Variants in ZFPM2 observed in about 807,000 individuals in gnomAD.
ZFPM2 encodes the protein zinc finger protein, FOG family member 2.
ZFPM2 carries 20 observed loss-of-function variants against 98.6 expected under a neutral mutation model. The observed-to-expected ratio is 0.20, with a 90% CI of 0.14 to 0.29. The LOEUF (loss-of-function observed/expected upper bound fraction) is 0.29. Among genes scored for constraint, ZFPM2 ranks in the 10% least tolerant of loss-of-function variants. The probability of loss-of-function intolerance (pLI) is 1.00; values close to 1 mark genes in which losing one functional copy is unlikely to be tolerated. For synonymous variants in ZFPM2, 518 were observed against 502.7 expected (o/e 1.03, Z -0.41); for missense variants, 1,310 against 1,388.6 (o/e 0.94, Z 0.90).
intron 4 of ZFPM2, among the ~76,000 whole-genome samples, chr8:105,562,287 G>A (rs1815155717): frequency 6.6e-6 from 1 of 151,840 alleles, no homozygotes; most frequent in Admixed American, 6.6e-5. Flanking sequence ...TCCAGCCTGG[G>A]TGACAGAGCA....
chr8:105,382,285 A>T (rs553561328), intron 1 of ZFPM2, among the ~76,000 whole-genome samples: 34 of 151,154 alleles, frequency 2.2e-4, no homozygotes, highest in East Asian at 9.7e-4. Flanking sequence ...CTTTTTTTTT[A>T]AAAATCATAA....
chr8:105,513,721 T>C (rs1480017957), intron 3 of ZFPM2, among the ~76,000 whole-genome samples: 1 of 152,246 alleles, frequency 6.6e-6, no homozygotes, highest in East Asian at 1.9e-4. Context: ...AGTTATATTT[T>C]TAATTATAAA....
intron 5 of ZFPM2, among the ~76,000 whole-genome samples, chr8:105,675,454 A>G (rs980469231): frequency 1.7e-4 from 26 of 152,186 alleles, no homozygotes; most frequent in Non-Finnish European, 4.4e-5. Flanking sequence ...ACTCCTGAGC[A>G]AAGAAGAGTT....
chr8:105,532,222 T>G (rs1266396945), intron 3 of ZFPM2, among the ~76,000 whole-genome samples: 2 of 152,192 alleles, frequency 1.3e-5, no homozygotes, highest in Non-Finnish European at 2.9e-5. Context: ...ATTTCAACAT[T>G]AAATTTATGT....
Position 105,634,351 on chromosome 8 carries a change from A to G in ZFPM2, c.526A>G (p.Ser176Gly). The G allele has an allele frequency of 6.2e-7, 1 of 1,610,188 alleles. No homozygotes were observed. Among genetic ancestry groups the G allele is most frequent in the African/African-American group, 1.3e-5 (1 of 74,994 alleles). Residue 176 changes from serine to glycine, a missense_variant, in exon 5 of 8, where the codon AGC becomes GGC. Coordinates refer to ENST00000407775, the MANE Select transcript of ZFPM2 (RefSeq NM_012082.4). ...CAACAAAAACAACTGCATTGTGTAC[A>G]GCAAAGGTAAATGCAAGATTGTTTC... Reference protein sequence around the residue: ...EDNKNNCIVYSKGGQLWCTTT... With the variant: ...EDNKNNCIVYGKGGQLWCTTT...
intron 5 of ZFPM2, among the ~76,000 whole-genome samples, chr8:105,669,436 T>TA (rs1468913511): frequency 6.6e-6 from 1 of 151,008 alleles, no homozygotes; most frequent in Non-Finnish European, 1.5e-5. Context: ...TATTTATATA[T>TA]ATACACACGC....
chr8:105,425,973 T>C (rs1026122836), intron 2 of ZFPM2, among the ~76,000 whole-genome samples: 13 of 152,194 alleles, frequency 8.5e-5, no homozygotes, highest in East Asian at 3.9e-4. Context: ...ATTATTACTT[T>C]TAGTTCAGAA....
intron 3 of ZFPM2, among the ~76,000 whole-genome samples, chr8:105,500,981 C>CA (rs1376921239): frequency 1.3e-5 from 2 of 151,932 alleles, no homozygotes; most frequent in Admixed American, 6.6e-5. Flanking sequence ...TCAGGAGAAA[C>CA]AATTAATAAA....
At chr8:105,498,112 C>A (rs1470705142) in intron 3 of ZFPM2, among the ~76,000 whole-genome samples, 5 of 151,220 alleles carry the variant, frequency 3.3e-5, no homozygotes, top group Admixed American at 2.0e-4. Flanking sequence ...GTGGGAGGAT[C>A]ACTTGAGCCC....
chr8:105,334,353 G>A (rs1812288446), intron 1 of ZFPM2, among the ~76,000 whole-genome samples: 1 of 151,496 alleles, frequency 6.6e-6, no homozygotes, highest in African/African-American at 2.4e-5. Context: ...ATATGGGAGA[G>A]AATAGCTATA....
intron 4 of ZFPM2, among the ~76,000 whole-genome samples, chr8:105,577,749 TA>T (rs1815498823): frequency 1.4e-5 from 2 of 145,440 alleles, no homozygotes; most frequent in East Asian, 4.0e-4. Context: ...CCAATTTAAT[TA>T]AAGTGGCAAA....
At chr8:105,334,298 G>T (rs1812287417) in intron 1 of ZFPM2, among the ~76,000 whole-genome samples, 1 of 151,404 alleles carries the variant, frequency 6.6e-6, no homozygotes, top group African/African-American at 2.4e-5. Flanking sequence ...GTAGGGCACA[G>T]AAAAATATTT....
In ZFPM2 at chr8:105,560,412, G is replaced by A. The variant is rs1295523609; in HGVS notation, c.302-951G>A. Among the ~76,000 whole-genome samples, 5 of 151,884 alleles carry A rather than the reference G, an allele frequency of 3.3e-5. No individual in the cohort carries two copies. The East Asian group carries it at 9.7e-4, about 29-fold the overall frequency. ...TAAAACACAATGAAGTTAGGTTACT[G>A]AGATAAAATTTTTAAAATATAAACA... On this transcript the variant is annotated intron_variant, in intron 3 of 7. Coordinates refer to ENST00000407775, the MANE Select transcript of ZFPM2 (RefSeq NM_012082.4).
intron 5 of ZFPM2, among the ~76,000 whole-genome samples, chr8:105,754,689 T>A (rs1303776444): frequency 2.0e-5 from 3 of 152,108 alleles, no homozygotes; most frequent in African/African-American, 7.2e-5. Flanking sequence ...ACCTTTTTTT[T>A]TTTTTCTATT....
chr8:105,761,234 A>G lies in ZFPM2; in HGVS notation c.533-27484A>G, dbSNP rs550577490. Among the ~76,000 whole-genome samples the G allele has an allele frequency of 3.1e-4, 47 of 152,094 alleles. 1 individual carries two copies. The highest frequency in any genetic ancestry group is 1.1e-3 in the African/African-American group (45 of 41,514). ...AGTGTCGCAGGACAGTAGAGGAGAA[A>G]TCTACACCTTTCTTTTAAGAGCACA... On this transcript the variant is annotated intron_variant, in intron 5 of 7. Transcript: ENST00000407775.
intron 4 of ZFPM2, among the ~76,000 whole-genome samples, chr8:105,627,776 G>A (rs968210612): frequency 2.0e-5 from 3 of 152,118 alleles, no homozygotes; most frequent in African/African-American, 7.2e-5. Flanking sequence ...GATCTTACGG[G>A]TTCTGTGTAG....
chr8:105,398,095 T>C (rs1392109828), intron 1 of ZFPM2, among the ~76,000 whole-genome samples: 1 of 152,174 alleles, frequency 6.6e-6, no homozygotes, highest in Non-Finnish European at 1.5e-5. Context: ...AGCAAAAGTA[T>C]AGGATGTAAA....
chr8:105,327,106 C>CA (rs1812129043), intron 1 of ZFPM2, among the ~76,000 whole-genome samples: 1 of 151,284 alleles, frequency 6.6e-6, no homozygotes, highest in African/African-American at 2.4e-5. Context: ...TTCTAATCCA[C>CA]ATTTGGAAAA....
intron 1 of ZFPM2, among the ~76,000 whole-genome samples, chr8:105,408,306 T>TAGGG (rs1425767320): frequency 1.3e-5 from 2 of 151,926 alleles, no homozygotes; most frequent in Non-Finnish European, 2.9e-5. Flanking sequence ...ATATGTTTTA[T>TAGGG]AGGGAGGTGC....
Sources: gnomAD v4.1 joint callset for allele counts (sites outside exome capture counted in the v4.1 genomes callset) on GRCh38, gnomAD v4.1.1 for gene constraint, MANE v1.5 for transcripts, NCBI Gene and HGNC (gene_info 2026-07-23, HGNC 2026-07-21) for gene names.